RAD9B: variants seen among roughly 807,000 people sequenced by gnomAD.
RAD9B encodes the protein RAD9 checkpoint clamp component B, also known as cell cycle checkpoint control protein RAD9B.
RAD9B carries 41 observed loss-of-function variants against 48.3 expected under a neutral mutation model. The observed-to-expected ratio is 0.85, with a 90% CI of 0.66 to 1.10. RAD9B has a LOEUF of 1.10. RAD9B is among the 50% of genes least tolerant of loss of function. The pLI is 0.00. For synonymous variants in RAD9B, 160 were observed against 157.9 expected (o/e 1.01, Z -0.10); for missense variants, 444 against 485.1 (o/e 0.92, Z 0.80).
At chr12:110,502,497 C>A in intron 1 of RAD9B, 114 bp downstream of exon 1, 1 of 1,220,310 alleles carries the variant, frequency 8.2e-7, no homozygotes, top group South Asian at 1.4e-5. Context: ...TGACTGAGGA[C>A]GCACGCCCTG....
At chr12:110,514,282 TTTATC>T (rs2063549196) in intron 5 of RAD9B, among the ~76,000 whole-genome samples, 1 of 152,148 alleles carries the variant, frequency 6.6e-6, no homozygotes, top group Non-Finnish European at 1.5e-5. Context: ...AGAATTTTAT[TTTATC>T]TTAATAATAT....
intron 10 of RAD9B, among the ~76,000 whole-genome samples, chr12:110,526,925 G>T (rs201887431): frequency 7.0e-6 from 1 of 143,654 alleles, no homozygotes; most frequent in Non-Finnish European, 1.5e-5. Context: ...AAAAAAAAAA[G>T]AAAAGAAACC....
rs2064172333 is a variant in RAD9B at position 110,532,760 on chromosome 12, T to C, written c.*2107T>C. On this transcript the variant is annotated 3_prime_UTR_variant, in exon 11 of 11. Coordinates refer to ENST00000409300, the MANE Select transcript of RAD9B (RefSeq NM_001286535.2). Reference sequence around the variant, plus strand: ...TTTCTATGTTTAGATATACAGATGCTTACTGTTGTGTTACAACTGCCTACA... The same window carrying C: ...TTTCTATGTTTAGATATACAGATGCCTACTGTTGTGTTACAACTGCCTACA... 6.6e-6 allele frequency among the ~76,000 whole-genome samples: 1 copy of C among 152,220 alleles called. No individual in the cohort carries two copies. The highest frequency in any genetic ancestry group is 1.5e-5 in the Non-Finnish European group (1 of 68,036).
rs1028376795 is a variant in RAD9B at position 110,505,639 on chromosome 12, C to A, written c.140C>A (p.Ser47Tyr). ...TAGCTTGCTCTAAGATGTGTGAATT[C>A]TTCTCGGTCAGCATATGGATGTGTC... The part of the protein sequence containing the change: ...KKGLALRCVN[S>Y]SRSAYGCVLF... The change falls in exon 3 of 11, where the codon TCT becomes TAT. Residue 47 changes from serine (S) to tyrosine (Y), a missense_variant. Coordinates refer to ENST00000409300, the MANE Select transcript of RAD9B (RefSeq NM_001286535.2). 3.2e-6 allele frequency: 5 copies of A among 1,560,690 alleles called. No homozygotes were observed. Among genetic ancestry groups the A allele is most frequent in the Non-Finnish European group, 4.3e-6 (5 of 1,151,512 alleles).
At chr12:110,518,565 G>A (rs56379265) in intron 6 of RAD9B, 111 bp from the exon 7 acceptor site, 61,263 of 615,982 alleles carry the variant, frequency 0.099, 4,178 homozygotes, top group African/African-American at 0.27. Flanking sequence ...GTTAGGGTAC[G>A]TAGGGCAGGA....
intron 4 of RAD9B, 34 bp from the exon 5 acceptor site, chr12:110,512,745 A>G: frequency 1.1e-6 from 1 of 881,232 alleles, no homozygotes; most frequent in Non-Finnish European, 1.8e-6. Context: ...TTTTGTACTT[A>G]AAATTATTAA....
chr12:110,518,578 A>AAATGGGATGGGATTTGGAGAC lies in RAD9B; in HGVS notation c.596-81_596-80insAGACAATGGGATGGGATTTGG, dbSNP rs1173193935. 2.0e-5 allele frequency: 14 copies of AAATGGGATGGGATTTGGAGAC among 708,640 alleles called. No homozygotes were observed. The East Asian group carries it at 3.9e-4, about 20-fold the overall frequency. The allele number at this position is 708,640 out of a possible 1,614,324, so 43.9% of individuals were successfully genotyped here. A position where few individuals can be genotyped will look rare whatever the true frequency, so the allele number is the denominator to read the frequency against. On this transcript the variant is annotated intron_variant, in intron 6 of 10. Transcript: ENST00000409300. ...AAGTTAGGGTACGTAGGGCAGGAGG[A>AAATGGGATGGGATTTGGAGAC]AATGGGATGGGATTTGGGAGACCAG...
In RAD9B at chr12:110,532,691, G is replaced by C. The variant is rs932184036; in HGVS notation, c.*2038G>C. Among the ~76,000 whole-genome samples the C allele has an allele frequency of 6.6e-6, 1 of 152,184 alleles. No homozygotes were observed. The highest frequency in any genetic ancestry group is 2.4e-5 in the African/African-American group (1 of 41,434). On this transcript the variant is annotated 3_prime_UTR_variant, in exon 11 of 11. Transcript: ENST00000409300. ...AAGATAATGGAGCTGCCCTATACAG[G>C]TGTACCATTTTTTTGTCTTTCATAC... is the stretch of plus-strand genomic sequence containing the variant.
chr12:110,519,409 TTTG>T (rs200200978), intron 8 of RAD9B, among the ~76,000 whole-genome samples: 1,423 of 116,726 alleles, frequency 0.012, 14 homozygotes, highest in East Asian at 0.032. Context: ...CGGCCTACTG[TTTG>T]TTGTTGTTGT....
chr12:110,523,359 C>A (rs1029549344), intron 10 of RAD9B, among the ~76,000 whole-genome samples: 3 of 152,076 alleles, frequency 2.0e-5, no homozygotes, highest in Non-Finnish European at 2.9e-5. Context: ...CCCAGTAGTT[C>A]AAGGCTTCAG....
In RAD9B at chr12:110,515,091, A is replaced by G. The variant is rs769471739; in HGVS notation, c.530A>G (p.Glu177Gly). The G allele has an allele frequency of 1.9e-6, 3 of 1,556,962 alleles. No individual in the cohort carries two copies. The highest frequency in any genetic ancestry group is 2.6e-6 in the Non-Finnish European group (3 of 1,148,766). Reference protein sequence around the residue: ...DAIVLFTSSQEEVTLAVTPLN... With the variant: ...DAIVLFTSSQGEVTLAVTPLN... The stretch of plus-strand genomic sequence containing the variant: ...ATTGTTCTTTTTACATCAAGTCAAG[A>G]GGAAGTTACTCTTGCTGTTACTCCA... Residue 177 changes from glutamate (E) to glycine (G), a missense_variant, in exon 6 of 11, where the codon GAG (glutamate) becomes GGG (glycine). By Grantham distance (98) the Glu-to-Gly change is moderately conservative. Coordinates refer to ENST00000409300, the MANE Select transcript of RAD9B (RefSeq NM_001286535.2).
intron 10 of RAD9B, among the ~76,000 whole-genome samples, chr12:110,526,645 C>G (rs1270227663): frequency 6.6e-6 from 1 of 151,668 alleles, no homozygotes; most frequent in Non-Finnish European, 1.5e-5. Context: ...CACGGTGGCT[C>G]ATGCCTGTAA....
At chr12:110,517,751 G>GACACACAC (rs34935245) in intron 6 of RAD9B, among the ~76,000 whole-genome samples, 1,437 of 141,476 alleles carry the variant, frequency 0.01, 10 homozygotes, top group African/African-American at 0.019. Context: ...ACAAAACATT[G>GACACACAC]ACACACACAC....
intron 6 of RAD9B, among the ~76,000 whole-genome samples, chr12:110,518,326 G>C (rs984725749): frequency 6.6e-6 from 1 of 152,138 alleles, no homozygotes; most frequent in Admixed American, 6.6e-5. Flanking sequence ...TCATGCCACT[G>C]CACTCCAGCC....
chr12:110,503,514 A>G (rs1043384874), intron 1 of RAD9B: 2 of 302,308 alleles, frequency 6.6e-6, no homozygotes, highest in Non-Finnish European at 1.2e-5. Flanking sequence ...TGTAAAATAC[A>G]TTAGTATGGA....
rs1340094915 is a variant in RAD9B at position 110,533,269 on chromosome 12, A to G, written c.*2616A>G. 6.6e-6 allele frequency: 1 copy of G among 152,192 alleles called. No homozygotes were observed. The highest frequency in any genetic ancestry group is 6.5e-5 in the Admixed American group (1 of 15,282). 9.4% of individuals were successfully genotyped at this position (152,192 alleles called of 1,614,324 possible). ...ATTAGTATAAATACTATATTTATTA[A>G]ATATCTTTACAGTTTATTTAAATGT... On this transcript the variant is annotated 3_prime_UTR_variant, in exon 11 of 11. Transcript: ENST00000409300.
intron 1 of RAD9B, 86 bp downstream of exon 1, chr12:110,502,469 C>G: frequency 6.6e-7 from 1 of 1,512,470 alleles, no homozygotes; most frequent in African/African-American, 1.4e-5. Context: ...AATTTTTCCT[C>G]TTTGCCTTTT....
chr12:110,503,132 G>T (rs2063143647), intron 1 of RAD9B: 1 of 152,406 alleles, frequency 6.6e-6, no homozygotes, highest in African/African-American at 2.4e-5. Flanking sequence ...GTAATCCCAA[G>T]CTACTTGGAA....
At position 110,522,354 on chromosome 12, in the gene RAD9B, A is replaced by G. The variant is rs1424876494; in HGVS notation, c.1068A>G (p.Val356=). Residue 356 remains valine, a synonymous_variant, in exon 10 of 11, where the codon GTA becomes GTG. Transcript: ENST00000409300. The part of the protein sequence containing the change: ...MKRVDGDVSE[V]SESSVSNTEE... ...GAGTGGATGGAGATGTCAGTGAAGT[A>G]TCAGAAAGCAGTGTCAGCAACACAG... 6.8e-6 allele frequency: 11 copies of G among 1,613,570 alleles called. No individual in the cohort carries two copies. Among genetic ancestry groups the G allele is most frequent in the Non-Finnish European group, 9.3e-6 (11 of 1,179,762 alleles).
Sources: gnomAD v4.1 joint callset for allele counts (sites outside exome capture counted in the v4.1 genomes callset) on GRCh38, gnomAD v4.1.1 for gene constraint, MANE v1.5 for transcripts, NCBI Gene and HGNC (gene_info 2026-07-23, HGNC 2026-07-21) for gene names.